Variants in RPF2 observed in about 807,000 individuals in gnomAD.
The protein encoded by RPF2 is ribosome production factor 2 homolog.
A neutral mutation model predicts 38.9 loss-of-function variants in RPF2; 21 were observed. The observed-to-expected ratio is 0.54, with a 90% CI of 0.38 to 0.78. The LOEUF is 0.78. Among genes scored for constraint, RPF2 ranks in the 30% least tolerant of loss-of-function variants. The probability of loss-of-function intolerance (pLI) is 0.00; values close to 1 mark genes in which losing one functional copy is unlikely to be tolerated. For synonymous variants in RPF2, 121 were observed against 126.2 expected (o/e 0.96, Z 0.28); for missense variants, 314 against 358.1 (o/e 0.88, Z 0.99).
chr6:111,010,009 C>T (rs1771984408), intron 7 of RPF2, among the ~76,000 whole-genome samples: 2 of 152,108 alleles, frequency 1.3e-5, no homozygotes, highest in South Asian at 4.2e-4. Context: ...ACTTAGCATT[C>T]TGCAATTATA....
rs773684700 is a variant in RPF2, at chr6:110,999,693, A to T, written c.317-18A>T. On this transcript the variant is annotated intron_variant, in intron 5 of 9. Transcript: ENST00000441448. ...TCTTTGGGAAAAATACATGCTTAAA[A>T]ATACATTTTCCTTCCAGGTCGTATG... The T allele has an allele frequency of 1.7e-5, 27 of 1,549,618 alleles. 1 individual carries two copies. In the South Asian group the frequency reaches 3.0e-4, roughly 17 times the overall value.
chr6:110,998,252 C>T (rs1459335199), intron 5 of RPF2, among the ~76,000 whole-genome samples: 2 of 152,040 alleles, frequency 1.3e-5, no homozygotes, highest in African/African-American at 2.4e-5. Context: ...TGTGCAGTGG[C>T]CTGCCAGCAC....
At chr6:111,018,676 G>C (rs181891178) in intron 8 of RPF2, among the ~76,000 whole-genome samples, 1 of 151,948 alleles carries the variant, frequency 6.6e-6, no homozygotes, top group South Asian at 2.1e-4. Context: ...TAATACCACC[G>C]CTTCTGTTTT....
intron 1 of RPF2, 134 bp from the exon 2 acceptor site, chr6:110,984,868 AAAAG>A (rs1325135300): frequency 1.1e-5 from 11 of 993,550 alleles, no homozygotes; most frequent in South Asian, 5.4e-5. Context: ...ACAAACAAAA[AAAAG>A]AAAGTGAGAT....
intron 8 of RPF2, among the ~76,000 whole-genome samples, chr6:111,019,013 C>G (rs1451549207): frequency 6.6e-6 from 1 of 152,078 alleles, no homozygotes; most frequent in African/African-American, 2.4e-5. Context: ...GCCAGGAGTT[C>G]AAGACCAGCC....
At chr6:111,020,972 A>G (rs1186056516) in intron 8 of RPF2, among the ~76,000 whole-genome samples, 1 of 152,184 alleles carries the variant, frequency 6.6e-6, no homozygotes, top group African/African-American at 2.4e-5. Context: ...GATCGAGACC[A>G]TCCTGGCTAA....
At chr6:111,022,067 G>A (rs1772243634) in intron 8 of RPF2, among the ~76,000 whole-genome samples, 1 of 152,172 alleles carries the variant, frequency 6.6e-6, no homozygotes, top group African/African-American at 2.4e-5. Context: ...TATTCACTAT[G>A]GAGTCAGAGC....
chr6:111,014,378 C>A (rs532710909), intron 7 of RPF2, among the ~76,000 whole-genome samples: 2 of 152,068 alleles, frequency 1.3e-5, no homozygotes. Flanking sequence ...ATGATCTGCT[C>A]GCCTCGGCCT....
intron 9 of RPF2, 113 bp from the exon 10 acceptor site, chr6:111,025,290 T>C (rs964786015): frequency 4.5e-6 from 3 of 669,056 alleles, no homozygotes; most frequent in Non-Finnish European, 7.7e-6. Context: ...ACTGTGTCAC[T>C]GAAGGGGCAG....
chr6:110,982,192 G>GTA, intron 1 of RPF2, 63 bp downstream of exon 1: 1 of 1,564,786 alleles, frequency 6.4e-7, no homozygotes, highest in South Asian at 1.1e-5. Flanking sequence ...GATGAGGGTG[G>GTA]TACTGTCTCG....
At chr6:110,993,586 T>C (rs977358600) in intron 4 of RPF2, among the ~76,000 whole-genome samples, 1 of 152,186 alleles carries the variant, frequency 6.6e-6, no homozygotes, top group Non-Finnish European at 1.5e-5. Context: ...ACCATAATGC[T>C]TTTAGTTGCA....
At chr6:111,013,578 T>C (rs888082280) in intron 7 of RPF2, among the ~76,000 whole-genome samples, 3 of 152,224 alleles carry the variant, frequency 2.0e-5, no homozygotes, top group Non-Finnish European at 4.4e-5. Context: ...AAAGAGTACT[T>C]TTCCATGTGC....
chr6:110,999,807 G>T lies in RPF2; in HGVS notation c.393+20G>T, dbSNP rs1280857480. ...ATTAAGGTAAGATACTCATAGAAAT[G>T]AAAAGTATTTTGTAATGCTTCTCTT... On this transcript the variant is annotated intron_variant, in intron 6 of 9. Transcript: ENST00000441448. The T allele has an allele frequency of 2.9e-6, 4 of 1,363,038 alleles. No homozygotes were observed. Among genetic ancestry groups the T allele is most frequent in the Admixed American group, 3.4e-5 (2 of 59,390 alleles). The allele number at this position is 1,363,038 out of a possible 1,614,324, so 84.4% of individuals were successfully genotyped here. A position where few individuals can be genotyped will look rare whatever the true frequency, so the allele number is the denominator to read the frequency against.
At chr6:111,004,914 T>C (rs1407615987) in intron 6 of RPF2, among the ~76,000 whole-genome samples, 1 of 151,786 alleles carries the variant, frequency 6.6e-6, no homozygotes, top group Non-Finnish European at 1.5e-5. Flanking sequence ...ATGATGTGTA[T>C]ACTGGGTGAC....
chr6:110,993,107 C>T (rs144007103), intron 4 of RPF2, among the ~76,000 whole-genome samples: 219 of 152,146 alleles, frequency 1.4e-3, no homozygotes, highest in African/African-American at 5.1e-3. Context: ...GTGCACGACA[C>T]GATGCCTGGC....
intron 4 of RPF2, among the ~76,000 whole-genome samples, chr6:110,995,808 ATCTC>A (rs1356311385): frequency 1.3e-5 from 2 of 151,848 alleles, no homozygotes; most frequent in African/African-American, 4.8e-5. Context: ...AATGGATAAG[ATCTC>A]TCTCTTTCTT....
At position 110,999,363 on chromosome 6, in the gene RPF2, A is replaced by T. The variant is rs1012866330; in HGVS notation, c.317-348A>T. 8.0e-4 allele frequency among the ~76,000 whole-genome samples: 122 copies of T among 152,178 alleles called. 1 individual carries two copies. The highest frequency in any genetic ancestry group is 8.0e-3 in the Admixed American group (122 of 15,248). On this transcript the variant is annotated intron_variant, in intron 5 of 9. Transcript: ENST00000441448. Reference sequence around the variant, plus strand: ...ACCCACATAAATTAATCCTTCTCTAATATCTATTGAATAAATAGATTTGAA... The same window carrying T: ...ACCCACATAAATTAATCCTTCTCTATTATCTATTGAATAAATAGATTTGAA...
At chr6:111,007,724 C>A (rs2114328565) in intron 6 of RPF2, among the ~76,000 whole-genome samples, 1 of 152,176 alleles carries the variant, frequency 6.6e-6, no homozygotes, top group African/African-American at 2.4e-5. Context: ...GCAGGCGGAT[C>A]ATTTGAGGTC....
intron 5 of RPF2, 68 bp from the exon 6 acceptor site, chr6:110,999,643 C>G: frequency 1.1e-6 from 1 of 947,072 alleles, no homozygotes; most frequent in South Asian, 1.3e-5. Flanking sequence ...GAATACACAG[C>G]TCTTGTGGGT....
Sources: gnomAD v4.1 joint callset for allele counts (sites outside exome capture counted in the v4.1 genomes callset) on GRCh38, gnomAD v4.1.1 for gene constraint, MANE v1.5 for transcripts, NCBI Gene and HGNC (gene_info 2026-07-23, HGNC 2026-07-21) for gene names.